Variants in VPS13D observed in about 807,000 individuals in gnomAD.
VPS13D encodes the protein vacuolar protein sorting 13 homolog D.
A neutral mutation model predicts 461.9 loss-of-function variants in VPS13D; 187 were observed. The observed-to-expected ratio is 0.40, with a 90% CI of 0.36 to 0.46. VPS13D has a LOEUF of 0.46. Ranked by LOEUF, VPS13D falls within the 20% of genes least tolerant of loss-of-function variation. The pLI, the probability that VPS13D is intolerant of heterozygous loss-of-function variation, is 0.60. For missense variants in VPS13D, 4,711 were observed against 5,364.9 expected, an observed-to-expected ratio of 0.88 and a Z score of 3.81; for synonymous variants, 1,951 against 1,986.3, an observed-to-expected ratio of 0.98 and a Z score of 0.47.
chr1:12,268,065 G>T lies in VPS13D; in HGVS notation c.1801+145G>T, dbSNP rs901755100. On this transcript the variant is annotated intron_variant, in intron 15 of 69. Transcript: ENST00000620676. Reference sequence around the variant, plus strand: ...CAACCTCTGCCTCCCGGGTTCGAGTGATTCTCATGCCCTTGCCAGGATTAC... The same window carrying T: ...CAACCTCTGCCTCCCGGGTTCGAGTTATTCTCATGCCCTTGCCAGGATTAC... 4 of 598,604 alleles carry T rather than the reference G, an allele frequency of 6.7e-6. No homozygotes were observed. The African/African-American group carries it at 7.5e-5, about 11-fold the overall frequency. The allele number at this position is 598,604 out of a possible 1,614,324, so 37.1% of individuals were successfully genotyped here.
chr1:12,287,325 A>AT lies in VPS13D; in HGVS notation c.5635-890dup, dbSNP rs368438135. 6.6e-5 allele frequency among the ~76,000 whole-genome samples: 10 copies of AT among 152,028 alleles called. No individual in the cohort carries two copies. In the East Asian group the frequency reaches 1.5e-3, roughly 24 times the overall value. On this transcript the variant is annotated intron_variant, in intron 21 of 69. Transcript: ENST00000620676. ...TTTTCTCTGTCTTCTTCTGTAAATGATTTTTTTTCTTCCTTTCCTTCTATT... is the reference window on the plus strand; with the variant it reads ...TTTTCTCTGTCTTCTTCTGTAAATGATTTTTTTTTCTTCCTTTCCTTCTATT...
intron 23 of VPS13D, among the ~76,000 whole-genome samples, chr1:12,292,764 T>C (rs1642171812): frequency 2.6e-5 from 4 of 152,106 alleles, no homozygotes; most frequent in Admixed American, 2.6e-4. Context: ...TTTAAAATGC[T>C]GATGTTCAAC....
At position 12,261,003 on chromosome 1, in the gene VPS13D, C is replaced by G. The variant is rs1641090773; in HGVS notation, c.1268C>G (p.Pro423Arg). The G allele has an allele frequency of 6.2e-7, 1 of 1,613,890 alleles. No individual in the cohort carries two copies. Among genetic ancestry groups the G allele is most frequent in the Non-Finnish European group, 8.5e-7 (1 of 1,180,026 alleles). ...GGAGCCTGTCCGGGAGCCCCAGAACCCGGTGGAGGCAGTGGGATGCTGCAG... is the reference window on the plus strand; with the variant it reads ...GGAGCCTGTCCGGGAGCCCCAGAACGCGGTGGAGGCAGTGGGATGCTGCAG... ...SPGACPGAPE[P>R]GGGSGMLQYL... is the part of the protein sequence containing the mutation. Residue 423 changes from proline to arginine, a missense_variant, in exon 12 of 70, where the codon CCC becomes CGC. By Grantham distance (103) the Pro-to-Arg change is moderately radical. This residue lies in a region of VPS13D where 4,411 missense variants were observed against 4,937.8 expected (regional missense o/e 0.89). Coordinates refer to ENST00000620676, the MANE Select transcript of VPS13D (RefSeq NM_015378.4).
Position 12,252,032 on chromosome 1 carries a change from G to T in VPS13D, c.565-1690G>T, listed in dbSNP as rs115459665. Among the ~76,000 whole-genome samples, 1,436 of 152,200 alleles carry T rather than the reference G, an allele frequency of 9.4e-3. 22 individuals carry two copies. Among genetic ancestry groups the T allele is most frequent in the African/African-American group, 0.027 (1,135 of 41,514 alleles). On this transcript the variant is annotated intron_variant, in intron 6 of 69. Coordinates refer to ENST00000620676, the MANE Select transcript of VPS13D (RefSeq NM_015378.4). ...GTCATTGAGATTGCTCAGCTTGCAG[G>T]TGCTTCACGCAGCCTCTGCCTCCGT...
intron 1 of VPS13D, among the ~76,000 whole-genome samples, chr1:12,232,136 C>A (rs543314077): frequency 6.6e-6 from 1 of 150,596 alleles, no homozygotes; most frequent in Non-Finnish European, 1.5e-5. Flanking sequence ...TAAAAAATAT[C>A]TTTATATTCC....
At chr1:12,431,134 T>C (rs1644986955) in intron 65 of VPS13D, among the ~76,000 whole-genome samples, 1 of 152,216 alleles carries the variant, frequency 6.6e-6, no homozygotes, top group East Asian at 1.9e-4. Flanking sequence ...TTAATAATAT[T>C]TCATATGATA....
intron 66 of VPS13D, among the ~76,000 whole-genome samples, chr1:12,459,477 C>A (rs947681957): frequency 6.9e-6 from 1 of 144,532 alleles, no homozygotes; most frequent in Non-Finnish European, 1.5e-5. Context: ...TCTTTCTTTT[C>A]TTTTCTTTTT....
chr1:12,492,595 G>T (rs1360030616), intron 67 of VPS13D, among the ~76,000 whole-genome samples: 1 of 152,158 alleles, frequency 6.6e-6, no homozygotes, highest in African/African-American at 2.4e-5. Context: ...ACGCAGTTTG[G>T]ATTATCTTGT....
In VPS13D at chr1:12,261,863, A is replaced by G. The variant is rs116732802; in HGVS notation, c.1415-38A>G. 8.7e-5 allele frequency: 134 copies of G among 1,537,440 alleles called. No individual in the cohort carries two copies. In the African/African-American group the frequency reaches 1.6e-3, roughly 19 times the overall value. ...CTTGCTGGTGCTTTTTTATTCTTCC[A>G]CGTTTTTTCTTACAGTCTTTTCTCC... is the stretch of plus-strand genomic sequence containing the variant. On this transcript the variant is annotated intron_variant, in intron 12 of 69. Coordinates refer to ENST00000620676, the MANE Select transcript of VPS13D (RefSeq NM_015378.4).
At chr1:12,373,413 G>T (rs1382844861) in intron 54 of VPS13D, among the ~76,000 whole-genome samples, 4 of 151,794 alleles carry the variant, frequency 2.6e-5, no homozygotes, top group African/African-American at 7.3e-5. Context: ...GAGCCACCGT[G>T]CCTGGCCAAA....
intron 67 of VPS13D, among the ~76,000 whole-genome samples, chr1:12,471,959 A>T (rs906752129): frequency 6.6e-6 from 1 of 152,114 alleles, no homozygotes; most frequent in African/African-American, 2.4e-5. Flanking sequence ...TAATTTATCC[A>T]CAAACACTCT....
At position 12,254,505 on chromosome 1, in the gene VPS13D, ATC is replaced by A. The variant is rs1328215419; in HGVS notation, c.669+682_669+683del. 4.7e-5 allele frequency among the ~76,000 whole-genome samples: 7 copies of A among 148,780 alleles called. No homozygotes were observed. The East Asian group carries it at 1.4e-3, about 29-fold the overall frequency. Reference sequence around the variant, plus strand: ...TTATTGTTTGTGAAGGATTAAAAAAATCTCAATCTTTTTTTTTTTTTTTTTTT... The same window carrying A: ...TTATTGTTTGTGAAGGATTAAAAAAATCAATCTTTTTTTTTTTTTTTTTTT... On this transcript the variant is annotated intron_variant, in intron 7 of 69. Transcript: ENST00000620676.
chr1:12,347,410 TCTGC>T (rs1160787770), intron 44 of VPS13D, among the ~76,000 whole-genome samples: 3 of 152,202 alleles, frequency 2.0e-5, no homozygotes, highest in African/African-American at 7.2e-5. Flanking sequence ...GACCTCGTGA[TCTGC>T]CTGCCTCGGC....
In VPS13D at chr1:12,405,399, G is replaced by A. The variant is rs555055292; in HGVS notation, c.12030+1426G>A. On this transcript the variant is annotated intron_variant, in intron 63 of 69. Transcript: ENST00000620676. The stretch of plus-strand genomic sequence containing the variant: ...ATGTGGCCGTGTCTGCCAACTCACA[G>A]CTTCTAAAATTGACACACAGGTAAT... Among the ~76,000 whole-genome samples, 12 of 152,280 alleles carry A rather than the reference G, an allele frequency of 7.9e-5. 1 individual carries two copies. The South Asian group carries it at 2.5e-3, about 32-fold the overall frequency.
Position 12,400,286 on chromosome 1 carries a change from G to A in VPS13D, c.11740G>A (p.Ala3914Thr), listed in dbSNP as rs757733968. The A allele has an allele frequency of 2.0e-5, 33 of 1,614,042 alleles. No homozygotes were observed. Among genetic ancestry groups the A allele is most frequent in the African/African-American group, 4.0e-5 (3 of 74,914 alleles). Residue 3914 changes from alanine (A) to threonine (T), a missense_variant, in exon 61 of 70, where the codon GCA becomes ACA. By Grantham distance (58) the Ala-to-Thr change is moderately conservative (BLOSUM62 0). Around this residue, in one of 3 missense-constraint regions of VPS13D, gnomAD observed 4,411 missense variants for 4,937.8 expected, o/e 0.89. Transcript: ENST00000620676. ...IETGPAVQVN[A>T]VKFPSKSALT... ...GACCGGCCCAGCTGTGCAAGTCAACGCAGTGAAGTTCCCCAGTAAGAGTGC... is the reference window on the plus strand; with the variant it reads ...GACCGGCCCAGCTGTGCAAGTCAACACAGTGAAGTTCCCCAGTAAGAGTGC...
chr1:12,504,423 T>G (rs1646077160), intron 68 of VPS13D, among the ~76,000 whole-genome samples: 1 of 152,232 alleles, frequency 6.6e-6, no homozygotes, highest in Admixed American at 6.5e-5. Context: ...CAGTAGCAGC[T>G]TCGGGGCATG....
intron 67 of VPS13D, among the ~76,000 whole-genome samples, chr1:12,490,873 G>A (rs1283496276): frequency 2.0e-5 from 3 of 152,126 alleles, no homozygotes; most frequent in Non-Finnish European, 2.9e-5. Flanking sequence ...TGCAGCCCAC[G>A]GCATGGTGGG....
chr1:12,494,751 G>A (rs144747249), intron 67 of VPS13D, among the ~76,000 whole-genome samples: 69 of 152,318 alleles, frequency 4.5e-4, no homozygotes, highest in Non-Finnish European at 7.6e-4. Flanking sequence ...TGATCAGTGG[G>A]GCAGACAGAG....
intron 20 of VPS13D, among the ~76,000 whole-genome samples, chr1:12,280,308 G>T (rs750262757): frequency 1.4e-4 from 21 of 152,032 alleles, no homozygotes; most frequent in Non-Finnish European, 2.9e-4. Flanking sequence ...ACCCAGGAGT[G>T]CTGTTGATGG....
Sources: gnomAD v4.1 joint callset for allele counts (sites outside exome capture counted in the v4.1 genomes callset) on GRCh38, gnomAD v4.1.1 for gene constraint, gnomAD v4.1.1 regional missense constraint, MANE v1.5 for transcripts, NCBI Gene and HGNC (gene_info 2026-07-23, HGNC 2026-07-21) for gene names.